The following NKAIN2 variants were observed in gnomAD, a reference collection of about 807,000 sequenced individuals.
NKAIN2 encodes sodium/potassium-transporting ATPase subunit beta-1-interacting protein 2.
A neutral mutation model predicts 32.6 loss-of-function variants in NKAIN2; 14 were observed. That is an observed-to-expected ratio of 0.43 (90% CI 0.28 to 0.67). The LOEUF is 0.67. Ranked by LOEUF, NKAIN2 falls within the 30% of genes least tolerant of loss-of-function variation. The pLI, the probability that NKAIN2 is intolerant of heterozygous loss-of-function variation, is 0.17. For missense variants in NKAIN2, 198 were observed against 258.3 expected (o/e 0.77, Z 1.60); for synonymous variants, 80 against 87.2 (o/e 0.92, Z 0.46).
intron 4 of NKAIN2, among the ~76,000 whole-genome samples, chr6:124,726,081 C>G (rs1459794383): frequency 3.3e-5 from 5 of 152,316 alleles, no homozygotes; most frequent in African/African-American, 1.2e-4. Flanking sequence ...TCGCTGATTG[C>G]TAGCACAGCA....
At chr6:124,144,302 A>C (rs1787282149) in intron 1 of NKAIN2, among the ~76,000 whole-genome samples, 1 of 152,218 alleles carries the variant, frequency 6.6e-6, no homozygotes, top group Non-Finnish European at 1.5e-5. Context: ...GAGACTAACA[A>C]GTCGGACTTC....
chr6:124,194,485 T>G (rs577542892), intron 1 of NKAIN2, among the ~76,000 whole-genome samples: 1 of 152,318 alleles, frequency 6.6e-6, no homozygotes, highest in Non-Finnish European at 1.5e-5. Flanking sequence ...TACATTTATA[T>G]TTAATTAATG....
At chr6:124,771,344 T>C (rs571999630) in intron 4 of NKAIN2, among the ~76,000 whole-genome samples, 1 of 152,270 alleles carries the variant, frequency 6.6e-6, no homozygotes, top group African/African-American at 2.4e-5. Flanking sequence ...GCAATCTCAT[T>C]TGGAATAATA....
intron 3 of NKAIN2, among the ~76,000 whole-genome samples, chr6:124,645,794 C>T (rs1167042447): frequency 6.6e-6 from 1 of 152,212 alleles, no homozygotes; most frequent in Admixed American, 6.5e-5. Flanking sequence ...GTCATCCTCA[C>T]TGGCTGTTCC....
chr6:124,295,113 T>C (rs1034880820), intron 2 of NKAIN2, among the ~76,000 whole-genome samples: 1 of 152,178 alleles, frequency 6.6e-6, no homozygotes, highest in Non-Finnish European at 1.5e-5. Flanking sequence ...AGATGTCTTA[T>C]TTTAATTCTC....
intron 1 of NKAIN2, among the ~76,000 whole-genome samples, chr6:124,107,263 C>T (rs115547840): frequency 0.011 from 1,633 of 152,194 alleles, 33 homozygotes; most frequent in African/African-American, 0.036. Context: ...GTTGGCTTTA[C>T]TTGTGAGTTA....
chr6:124,805,199 C>CCTGACCA (rs1195748760), intron 5 of NKAIN2, among the ~76,000 whole-genome samples: 1 of 152,216 alleles, frequency 6.6e-6, no homozygotes, highest in African/African-American at 2.4e-5. Flanking sequence ...CAAGTGGGTC[C>CCTGACCA]CTGACCCCTG....
intron 3 of NKAIN2, among the ~76,000 whole-genome samples, chr6:124,548,812 GATA>G (rs1780186286): frequency 6.6e-6 from 1 of 152,176 alleles, no homozygotes; most frequent in Non-Finnish European, 1.5e-5. Context: ...GCCGAGAGAA[GATA>G]ATGTTTCATG....
intron 6 of NKAIN2, among the ~76,000 whole-genome samples, chr6:124,820,608 G>A (rs1781354702): frequency 6.6e-6 from 1 of 152,090 alleles, no homozygotes; most frequent in Admixed American, 6.6e-5. Context: ...TCTGTAAATG[G>A]TATATTATAT....
chr6:123,880,305 A>C (rs1174933651), intron 1 of NKAIN2, among the ~76,000 whole-genome samples: 2 of 152,208 alleles, frequency 1.3e-5, no homozygotes, highest in African/African-American at 2.4e-5. Flanking sequence ...AGGTCTAGTG[A>C]GCCCTGCTGC....
intron 4 of NKAIN2, among the ~76,000 whole-genome samples, chr6:124,762,950 A>T (rs1254229163): frequency 1.3e-5 from 2 of 152,226 alleles, no homozygotes; most frequent in African/African-American, 2.4e-5. Context: ...GAAAGAATTA[A>T]AGTCAAAGTG....
chr6:124,459,565 G>A (rs1262841020), intron 3 of NKAIN2, among the ~76,000 whole-genome samples: 1 of 151,786 alleles, frequency 6.6e-6, no homozygotes, highest in Non-Finnish European at 1.5e-5. Context: ...TCTGTATTCT[G>A]AATAATTTTA....
Position 124,304,526 on chromosome 6 carries a change from G to A in NKAIN2, c.192+21384G>A, listed in dbSNP as rs144266215. Among the ~76,000 whole-genome samples the A allele has an allele frequency of 1.7e-4, 26 of 152,312 alleles. No individual in the cohort carries two copies. In the East Asian group the frequency reaches 4.4e-3, roughly 26 times the overall value. ...TTAGAGTAGAAAAACGGCTGAAAGA[G>A]TAGTGTCATGAAAATTAAGGAATCA... On this transcript the variant is annotated intron_variant, in intron 2 of 6. Coordinates refer to ENST00000368417, the MANE Select transcript of NKAIN2 (RefSeq NM_001040214.3).
intron 3 of NKAIN2, among the ~76,000 whole-genome samples, chr6:124,517,352 A>G (rs1778953143): frequency 6.6e-6 from 1 of 152,122 alleles, no homozygotes; most frequent in Non-Finnish European, 1.5e-5. Flanking sequence ...TTTTTATTTG[A>G]TACAATAACT....
intron 2 of NKAIN2, among the ~76,000 whole-genome samples, chr6:124,330,440 G>C (rs1797607025): frequency 6.6e-6 from 1 of 152,178 alleles, no homozygotes; most frequent in Non-Finnish European, 1.5e-5. Context: ...ATCCCATGTA[G>C]AGCACTGAAG....
At chr6:124,712,900 A>C (rs1306165755) in intron 4 of NKAIN2, among the ~76,000 whole-genome samples, 1 of 152,070 alleles carries the variant, frequency 6.6e-6, no homozygotes, top group Non-Finnish European at 1.5e-5. Context: ...CTCACTATAT[A>C]ATAGAGATCA....
intron 1 of NKAIN2, among the ~76,000 whole-genome samples, chr6:124,227,374 C>T (rs1582883585): frequency 1.3e-5 from 2 of 152,118 alleles, no homozygotes; most frequent in East Asian, 3.9e-4. Flanking sequence ...TGCTGTTTTG[C>T]AAAACTCTTC....
chr6:123,963,967 G>T (rs1160107417), intron 1 of NKAIN2, among the ~76,000 whole-genome samples: 2 of 152,060 alleles, frequency 1.3e-5, no homozygotes, highest in Admixed American at 1.3e-4. Context: ...GTATAATGAT[G>T]ATATTTTAAA....
At chr6:124,327,337 C>A (rs557836436) in intron 2 of NKAIN2, among the ~76,000 whole-genome samples, 1 of 151,886 alleles carries the variant, frequency 6.6e-6, no homozygotes, top group Non-Finnish European at 1.5e-5. Flanking sequence ...TGTATAGGAA[C>A]AAAACTGATT....
Sources: allele counts gnomAD v4.1 joint callset (sites outside exome capture counted in the v4.1 genomes callset), GRCh38; gene constraint gnomAD v4.1.1; transcripts MANE v1.5; gene names NCBI Gene and HGNC (gene_info 2026-07-23, HGNC 2026-07-21).